The following GGT1 variants were observed in gnomAD, a reference collection of about 807,000 sequenced individuals.
GGT1 encodes the protein glutathione hydrolase 1 proenzyme.
GGT1 carries 21 observed loss-of-function variants against 56.0 expected under a neutral mutation model. The observed-to-expected ratio is 0.38, with a 90% CI of 0.27 to 0.54. The LOEUF is 0.54. Ranked by LOEUF, GGT1 falls within the 20% of genes least tolerant of loss-of-function variation. The pLI, the probability that GGT1 is intolerant of heterozygous loss-of-function variation, is 0.82. For synonymous variants in GGT1, 238 were observed against 342.6 expected, an observed-to-expected ratio of 0.69 and a Z score of 3.37; for missense variants, 466 against 787.0, an observed-to-expected ratio of 0.59 and a Z score of 4.88.
chr22:24,605,549 A>G (rs2046138162), intron 1 of GGT1, among the ~76,000 whole-genome samples: 1 of 66,560 alleles, frequency 1.5e-5, no homozygotes, highest in Non-Finnish European at 2.3e-5. Flanking sequence ...AATGTGTATT[A>G]TATATTATAT....
chr22:24,586,750 C>T, the GGT1 span, among the ~76,000 whole-genome samples: 11 of 152,312 alleles, frequency 7.2e-5, no homozygotes, highest in Middle Eastern at 3.4e-3. Flanking sequence ...AGGCTGGTCT[C>T]GAACTCCTGA....
At position 24,622,272 on chromosome 22, in the gene GGT1, T is replaced by C. The variant is rs368318183; in HGVS notation, c.734-835T>C. 2.6e-5 allele frequency among the ~76,000 whole-genome samples: 4 copies of C among 151,176 alleles called. No individual in the cohort carries two copies. In the South Asian group the frequency reaches 6.3e-4, roughly 24 times the overall value. On this transcript the variant is annotated intron_variant, in intron 9 of 15. Transcript: ENST00000400382. ...ATTCAAAGCATAGTGAAAAGAAATATAGCAAAACCCGGCCGGGCATGGTGG... is the reference window on the plus strand; with the variant it reads ...ATTCAAAGCATAGTGAAAAGAAATACAGCAAAACCCGGCCGGGCATGGTGG...
chr22:24,588,291 T>A, the GGT1 span: 1 of 1,613,592 alleles, frequency 6.2e-7, no homozygotes, highest in Non-Finnish European at 8.5e-7. Context: ...AGATGAGCTG[T>A]CGGCAGATCT....
intron 11 of GGT1, chr22:24,627,142 C>T: frequency 2.5e-6 from 2 of 801,672 alleles, no homozygotes; most frequent in South Asian, 3.7e-5. Flanking sequence ...GCATGCAGTG[C>T]AAACTCTAGA....
chr22:24,604,787 TCTGTAGGCCCTAC>T (rs1186703437), intron 1 of GGT1, among the ~76,000 whole-genome samples: 2 of 150,936 alleles, frequency 1.3e-5, no homozygotes, highest in African/African-American at 4.9e-5. Flanking sequence ...CCTCCTTCAT[TCTGTAGGCCCTAC>T]CTCTATTAAC....
At chr22:24,616,645 C>T (rs977017726) in intron 7 of GGT1, among the ~76,000 whole-genome samples, 5 of 150,028 alleles carry the variant, frequency 3.3e-5, no homozygotes, top group South Asian at 2.1e-4. Flanking sequence ...CCTGAGTTCA[C>T]GCCATTCTCC....
Position 24,610,282 on chromosome 22 carries a change from G to A in GGT1, c.-257G>A, listed in dbSNP as rs944357050. 516 of 303,050 alleles carry A rather than the reference G, an allele frequency of 1.7e-3. 1 individual carries two copies. The highest frequency in any genetic ancestry group is 2.5e-3 in the Middle Eastern group (2 of 792). The allele number at this position is 303,050 out of a possible 1,614,324, so 18.8% of individuals were successfully genotyped here. A position where few individuals can be genotyped will look rare whatever the true frequency, so the allele number is the denominator to read the frequency against. On this transcript the variant is annotated 5_prime_UTR_variant, in exon 4 of 16. Transcript: ENST00000400382. ...CTGGAGACAGAGAAACCAGCTAGAG[G>A]CAGAGGGAGGTAACACGGAGTCCCC...
intron 1 of GGT1, among the ~76,000 whole-genome samples, chr22:24,605,551 ATAT>A (rs1218201190): frequency 1.6e-5 from 1 of 61,524 alleles, no homozygotes; most frequent in Non-Finnish European, 2.4e-5. Context: ...TGTGTATTAT[ATAT>A]TATATAATAT....
At chr22:24,605,855 T>TGATGTGTATTATATATTATATAATATAA (rs2046211328) in intron 1 of GGT1, among the ~76,000 whole-genome samples, 1 of 78,886 alleles carries the variant, frequency 1.3e-5, no homozygotes, top group African/African-American at 6.2e-5. Context: ...ATATAATATA[T>TGATGTGTATTATATATTATATAATATAA]GATGTGTATT....
intron 7 of GGT1, among the ~76,000 whole-genome samples, chr22:24,618,375 G>C (rs556528102): frequency 6.6e-6 from 1 of 152,330 alleles, no homozygotes; most frequent in South Asian, 2.1e-4. Context: ...TGGATGACCT[G>C]AGGTCAGGAG....
At chr22:24,593,077 G>A (rs1199276337), upstream of GGT1, 1 of 1,035,878 alleles carries the variant, frequency 9.7e-7, no homozygotes, top group Non-Finnish European at 1.2e-6. Flanking sequence ...ACAGGAGGCC[G>A]GGCTGTCTGC....
upstream of GGT1, among the ~76,000 whole-genome samples, chr22:24,601,269 A>G (rs2045777406): frequency 6.6e-6 from 1 of 151,980 alleles, no homozygotes; most frequent in Admixed American, 6.6e-5. Context: ...TCATGCCCCC[A>G]TGCGCCCCCC....
At chr22:24,591,484 C>G (rs1031661125), upstream of GGT1, among the ~76,000 whole-genome samples, 6 of 152,204 alleles carry the variant, frequency 3.9e-5, no homozygotes, top group African/African-American at 1.4e-4. Flanking sequence ...GTGATATGCT[C>G]TGTGCGTGGG....
the GGT1 span, chr22:24,588,174 G>C: frequency 4.0e-6 from 6 of 1,482,872 alleles, no homozygotes; most frequent in Non-Finnish European, 5.6e-6. Flanking sequence ...AGGGACCTTG[G>C]AGCAGCAGTG....
At chr22:24,585,161 G>C in the GGT1 span, among the ~76,000 whole-genome samples, 2 of 152,196 alleles carry the variant, frequency 1.3e-5, no homozygotes, top group African/African-American at 2.4e-5. Context: ...TGGGTCCTGA[G>C]GGTGGCAAGC....
In GGT1 at chr22:24,614,815, C is replaced by T; in HGVS notation, c.204C>T (p.Ala68=). 6.2e-7 allele frequency: 1 copy of T among 1,613,414 alleles called. No homozygotes were observed. The highest frequency in any genetic ancestry group is 2.2e-5 in the East Asian group (1 of 44,866). Residue 68 remains alanine, a synonymous_variant, in exon 6 of 16, where the codon GCC becomes GCT. Transcript: ENST00000400382. ...LRDGGSAVDA[A]IAALLCVGLM... Reference sequence around the variant, plus strand: ...ACGGTGGCTCTGCGGTGGATGCAGCCATTGCAGCCCTGTTGTGTGTGGGGC... The same window carrying T: ...ACGGTGGCTCTGCGGTGGATGCAGCTATTGCAGCCCTGTTGTGTGTGGGGC...
rs5996724 is a variant in GGT1 at position 24,628,078 on chromosome 22, C to T, written c.1337-3C>T. On this transcript the variant is annotated splice_polypyrimidine_tract_variant and splice_region_variant and intron_variant, in intron 13 of 15. Coordinates refer to ENST00000400382, the MANE Select transcript of GGT1 (RefSeq NM_001288833.2). This position sits in a 1 kb window ranked among gnomAD's most constrained non-coding sequence, Gnocchi z 5.7. The stretch of plus-strand genomic sequence containing the variant: ...CATCCCTGTCTTCTCCCATCGGCCG[C>T]AGGGAAGCAGCCGCTCTCGTCCATG... 2,393 of 1,607,128 alleles carry T rather than the reference C, an allele frequency of 1.5e-3. 8 individuals are homozygous for T. The highest frequency in any genetic ancestry group is 1.7e-3 in the Non-Finnish European group (2,055 of 1,175,332).
intron 9 of GGT1, among the ~76,000 whole-genome samples, chr22:24,621,867 A>G (rs1446602199): frequency 2.0e-5 from 3 of 151,880 alleles, no homozygotes; most frequent in Non-Finnish European, 4.4e-5. Flanking sequence ...CCTGGCCAAC[A>G]TGGCGAAACC....
upstream of GGT1, among the ~76,000 whole-genome samples, chr22:24,602,458 C>T (rs150235724): frequency 3.2e-4 from 48 of 152,336 alleles, no homozygotes; most frequent in African/African-American, 1.2e-3. Context: ...TGGCAGGCTG[C>T]AGACCATGTG....
Sources: allele counts gnomAD v4.1 joint callset (sites outside exome capture counted in the v4.1 genomes callset), GRCh38; gene constraint gnomAD v4.1.1; non-coding constraint Gnocchi (gnomAD v3.1); transcripts MANE v1.5; gene names NCBI Gene and HGNC (gene_info 2026-07-23, HGNC 2026-07-21).